Variants in SNTB1 observed in about 807,000 individuals in gnomAD.
SNTB1 encodes the protein beta-1-syntrophin.
Under a neutral mutation model 48.9 loss-of-function variants are expected in SNTB1, and 36 were observed. That is an observed-to-expected ratio of 0.74 (90% confidence interval 0.56 to 0.97). The LOEUF (loss-of-function observed/expected upper bound fraction) is 0.97. Ranked by LOEUF, SNTB1 falls within the 50% of genes least tolerant of loss-of-function variation. SNTB1 has a pLI of 0.00. For missense variants in SNTB1, 786 were observed against 703.4 expected (o/e 1.12, Z -1.33); for synonymous variants, 299 against 294.6 (o/e 1.01, Z -0.15).
At chr8:120,600,477 A>C (rs2130718134) in intron 3 of SNTB1, among the ~76,000 whole-genome samples, 1 of 152,328 alleles carries the variant, frequency 6.6e-6, no homozygotes, top group South Asian at 2.1e-4. Context: ...ATGGAGCAGA[A>C]GTTCTTTCCG....
intron 1 of SNTB1, among the ~76,000 whole-genome samples, chr8:120,717,628 G>A (rs1223379708): frequency 6.6e-6 from 1 of 152,196 alleles, no homozygotes; most frequent in East Asian, 1.9e-4. Flanking sequence ...ACGGGCAGGA[G>A]TCCATACAGT....
At chr8:120,550,410 C>G (rs1022395759) in intron 4 of SNTB1, among the ~76,000 whole-genome samples, 1 of 152,040 alleles carries the variant, frequency 6.6e-6, no homozygotes, top group Non-Finnish European at 1.5e-5. Flanking sequence ...GGCATGGTGG[C>G]ATGCACCTGT....
At chr8:120,675,232 T>C (rs1396372004) in intron 2 of SNTB1, among the ~76,000 whole-genome samples, 1 of 152,022 alleles carries the variant, frequency 6.6e-6, no homozygotes, top group African/African-American at 2.4e-5. Flanking sequence ...AAGAACTATA[T>C]AAAGTGAGGA....
chr8:120,811,215 G>A (rs1820423126), intron 1 of SNTB1, 58 bp downstream of exon 1: 3 of 1,525,898 alleles, frequency 2.0e-6, no homozygotes, highest in Admixed American at 2.0e-5. Context: ...GCGTGCGGGT[G>A]GGAAGCCGAG....
chr8:120,579,274 G>A (rs1173371671), intron 3 of SNTB1, among the ~76,000 whole-genome samples: 1 of 152,176 alleles, frequency 6.6e-6, no homozygotes, highest in Non-Finnish European at 1.5e-5. Flanking sequence ...TGGGGATCTT[G>A]GCCCCTCTGA....
chr8:120,545,566 T>C lies in SNTB1; in HGVS notation c.1333+3196A>G, dbSNP rs564287356. On this transcript the variant is annotated intron_variant, in intron 5 of 6. Transcript: ENST00000517992. ...AAAATGAAACAAAATAAAATTGTTATCATTGTTTCCAGTGCAGCTAAAGCT... is the reference window on the plus strand; with the variant it reads ...AAAATGAAACAAAATAAAATTGTTACCATTGTTTCCAGTGCAGCTAAAGCT... Among the ~76,000 whole-genome samples the C allele has an allele frequency of 1.2e-4, 18 of 152,320 alleles. No individual in the cohort carries two copies. In the South Asian group the frequency reaches 3.7e-3, roughly 32 times the overall value.
intron 3 of SNTB1, among the ~76,000 whole-genome samples, chr8:120,589,374 A>G (rs926033493): frequency 6.6e-6 from 1 of 152,194 alleles, no homozygotes; most frequent in South Asian, 2.1e-4. Context: ...TATATTTATG[A>G]ACATTTGATT....
intron 3 of SNTB1, among the ~76,000 whole-genome samples, chr8:120,618,276 G>A (rs1470464441): frequency 6.6e-6 from 1 of 152,144 alleles, no homozygotes; most frequent in Non-Finnish European, 1.5e-5. Context: ...TTGTTTGTGA[G>A]TTCCCTGAGA....
chr8:120,614,858 C>T (rs2130735011), intron 3 of SNTB1, among the ~76,000 whole-genome samples: 1 of 151,246 alleles, frequency 6.6e-6, no homozygotes, highest in Middle Eastern at 3.4e-3. Flanking sequence ...CAACACGGCT[C>T]TTCTAATTGC....
intron 2 of SNTB1, among the ~76,000 whole-genome samples, chr8:120,674,660 C>T (rs1817807254): frequency 6.6e-6 from 1 of 152,048 alleles, no homozygotes; most frequent in Admixed American, 6.5e-5. Flanking sequence ...AATGCTTTAA[C>T]ACATATTGCC....
rs557465264 is a variant in SNTB1, at chr8:120,536,150, C to T, written c.*2727G>A. 6.6e-6 allele frequency: 1 copy of T among 152,278 alleles called. No individual in the cohort carries two copies. Among genetic ancestry groups the T allele is most frequent in the Non-Finnish European group, 1.5e-5 (1 of 68,024 alleles). 9.4% of individuals were successfully genotyped at this position (152,278 alleles called of 1,614,324 possible). On this transcript the variant is annotated 3_prime_UTR_variant, in exon 7 of 7. Transcript: ENST00000517992. ...GAAAGAAAAACCAATATCTATATTC[C>T]TATTGGCCTTCTTTAAATCCCTATG...
intron 4 of SNTB1, among the ~76,000 whole-genome samples, chr8:120,561,319 CAAAAA>C (rs1221884195): frequency 3.5e-3 from 158 of 45,660 alleles, no homozygotes; most frequent in African/African-American, 0.012. Context: ...AACTCCATCT[CAAAAA>C]AAAAAAAAAA....
At chr8:120,781,598 CAT>C (rs1483726053) in intron 1 of SNTB1, among the ~76,000 whole-genome samples, 1 of 152,152 alleles carries the variant, frequency 6.6e-6, no homozygotes, top group Non-Finnish European at 1.5e-5. Context: ...GGCCATGGAG[CAT>C]AGAGTCAAAG....
chr8:120,580,580 C>T (rs764553331), intron 3 of SNTB1, among the ~76,000 whole-genome samples: 1 of 152,144 alleles, frequency 6.6e-6, no homozygotes, highest in Non-Finnish European at 1.5e-5. Context: ...AAAGTGAAAA[C>T]GTTCACGAAG....
In SNTB1 at chr8:120,762,182, C is replaced by T. The variant is rs534347342; in HGVS notation, c.571+49091G>A. On this transcript the variant is annotated intron_variant, in intron 1 of 6. Transcript: ENST00000517992. Reference sequence around the variant, plus strand: ...AGATTTATTACAGTATATTTCAAGACACACATAAAAGAGCACTAATAGCAC... The same window carrying T: ...AGATTTATTACAGTATATTTCAAGATACACATAAAAGAGCACTAATAGCAC... 8.5e-5 allele frequency among the ~76,000 whole-genome samples: 13 copies of T among 152,258 alleles called. No homozygotes were observed. In the South Asian group the frequency reaches 2.1e-3, roughly 24 times the overall value.
At chr8:120,791,975 T>C (rs1820042987) in intron 1 of SNTB1, among the ~76,000 whole-genome samples, 1 of 151,826 alleles carries the variant, frequency 6.6e-6, no homozygotes, top group South Asian at 2.1e-4. Context: ...ATTAACTATA[T>C]TAAAATGACA....
intron 1 of SNTB1, among the ~76,000 whole-genome samples, chr8:120,779,185 T>A (rs1563599564): frequency 1.3e-5 from 2 of 152,300 alleles, no homozygotes; most frequent in Middle Eastern, 3.4e-3. Flanking sequence ...TCACCACCTC[T>A]ATTAAGTAAA....
At chr8:120,747,000 C>G (rs1386965146) in intron 1 of SNTB1, among the ~76,000 whole-genome samples, 1 of 151,910 alleles carries the variant, frequency 6.6e-6, no homozygotes, top group African/African-American at 2.4e-5. Flanking sequence ...TGTTGTAGAT[C>G]TAGGCACGGA....
Position 120,715,499 on chromosome 8 carries a change from A to T in SNTB1, c.572-21591T>A, listed in dbSNP as rs563104748. ...TATCTGGGGAGCATAAATGGTTAAA[A>T]ACAAAAAAAACAAACTTGGGTTTCA... On this transcript the variant is annotated intron_variant, in intron 1 of 6. Transcript: ENST00000517992. 2.6e-5 allele frequency among the ~76,000 whole-genome samples: 4 copies of T among 151,720 alleles called. No homozygotes were observed. The South Asian group carries it at 8.3e-4, about 31-fold the overall frequency.
Sources: gnomAD v4.1 joint callset for allele counts (sites outside exome capture counted in the v4.1 genomes callset) on GRCh38, gnomAD v4.1.1 for gene constraint, MANE v1.5 for transcripts, NCBI Gene and HGNC (gene_info 2026-07-23, HGNC 2026-07-21) for gene names.